The following MEP1A variants were observed in gnomAD, a reference collection of about 807,000 sequenced individuals.
MEP1A encodes N-benzoyl-L-tyrosyl-P-amino-benzoic acid hydrolase subunit alpha.
In MEP1A, 68 loss-of-function variants were observed where a neutral mutation model predicts 84.5. That is an observed-to-expected ratio of 0.80 (90% CI 0.66 to 0.98). The LOEUF (loss-of-function observed/expected upper bound fraction) is 0.98, where lower values mean the gene tolerates loss of function less well. MEP1A is among the 50% of genes least tolerant of loss of function. The pLI is 0.00. For synonymous variants in MEP1A, 337 were observed against 336.8 expected, an observed-to-expected ratio of 1.00 and a Z score of -0.01; for missense variants, 887 against 919.9, an observed-to-expected ratio of 0.96 and a Z score of 0.46.
chr6:46,820,202 AT>A (rs1767734790), intron 7 of MEP1A, among the ~76,000 whole-genome samples: 1 of 152,222 alleles, frequency 6.6e-6, no homozygotes, highest in South Asian at 2.1e-4. Flanking sequence ...TTTATCTGAA[AT>A]AACACCCCAA....
Position 46,838,968 on chromosome 6 carries a change from C to A in MEP1A, c.2085-12C>A, listed in dbSNP as rs757478857. 3.7e-6 allele frequency: 6 copies of A among 1,607,890 alleles called. No homozygotes were observed. Among genetic ancestry groups the A allele is most frequent in the Non-Finnish European group, 5.1e-6 (6 of 1,175,532 alleles). The stretch of plus-strand genomic sequence containing the variant: ...GTAGTTCCCACACTCCCTTCATGTC[C>A]TTTTCCCTCAGGTGCATCTCTGGAC... On this transcript the variant is annotated splice_polypyrimidine_tract_variant and intron_variant, in intron 13 of 13. Transcript: ENST00000230588.
At chr6:46,798,576 T>G (rs745779459) in intron 3 of MEP1A, 30 bp from the exon 4 acceptor site, 1 of 1,591,200 alleles carries the variant, frequency 6.3e-7, no homozygotes, top group Non-Finnish European at 8.6e-7. Context: ...CACTCAAATA[T>G]TCTTTTTTTA....
rs369138721 is a variant in MEP1A at position 46,798,424 on chromosome 6, T to C, written c.146-182T>C. Among the ~76,000 whole-genome samples the C allele has an allele frequency of 9.8e-5, 15 of 152,356 alleles. No homozygotes were observed. In the East Asian group the frequency reaches 2.7e-3, roughly 27 times the overall value. On this transcript the variant is annotated intron_variant, in intron 3 of 13. Transcript: ENST00000230588. ...ATTGAAAACAGAGGCTATGACAATA[T>C]GTGATACTCATCGGCCATTCACATT... is the stretch of plus-strand genomic sequence containing the variant.
Position 46,793,809 on chromosome 6 carries a change from G to A in MEP1A, c.145+93G>A. ...ACTTTCCTTCCTAATACTGTATTGTGATTCTCTGGGGGAGAAATATTTTTT... is the reference window on the plus strand; with the variant it reads ...ACTTTCCTTCCTAATACTGTATTGTAATTCTCTGGGGGAGAAATATTTTTT... On this transcript the variant is annotated intron_variant, in intron 3 of 13. Transcript: ENST00000230588. The A allele has an allele frequency of 8.1e-6, 7 of 866,866 alleles. No individual in the cohort carries two copies. In the South Asian group the frequency reaches 1.0e-4, roughly 13 times the overall value. 53.7% of individuals were successfully genotyped at this position (866,866 alleles called of 1,614,324 possible). A position where few individuals can be genotyped will look rare whatever the true frequency, so the allele number is the denominator to read the frequency against.
chr6:46,803,439 T>A (rs1198802308), intron 5 of MEP1A, among the ~76,000 whole-genome samples: 2 of 151,656 alleles, frequency 1.3e-5, no homozygotes, highest in Non-Finnish European at 3.0e-5. Context: ...ATAGTCCTAT[T>A]TCACTTTTGA....
At chr6:46,811,156 T>C (rs1210966987) in intron 6 of MEP1A, among the ~76,000 whole-genome samples, 8 of 152,170 alleles carry the variant, frequency 5.3e-5, no homozygotes, top group African/African-American at 1.9e-4. Context: ...AGCAGTGTTT[T>C]GTAGTTTTCC....
chr6:46,801,961 G>T (rs956698645), intron 5 of MEP1A, among the ~76,000 whole-genome samples: 1 of 151,782 alleles, frequency 6.6e-6, no homozygotes, highest in Non-Finnish European at 1.5e-5. Context: ...TATTCTACTT[G>T]TTTATCATCA....
chr6:46,843,066 C>T (rs1266348521), downstream of MEP1A, among the ~76,000 whole-genome samples: 2 of 152,204 alleles, frequency 1.3e-5, no homozygotes. Context: ...GTCAAATAAT[C>T]TGAAGGCCAA....
At chr6:46,838,057 A>ATT (rs570182939) in intron 13 of MEP1A, among the ~76,000 whole-genome samples, 205 of 135,038 alleles carry the variant, frequency 1.5e-3, no homozygotes, top group African/African-American at 4.8e-3. Context: ...ATGTCTGGCT[A>ATT]TTTTTTTTTT....
rs150656087 is a variant in MEP1A, at chr6:46,839,079, C to A, written c.2184C>A (p.Gly728=). 5 of 1,613,434 alleles carry A rather than the reference C, an allele frequency of 3.1e-6. No homozygotes were observed. Among genetic ancestry groups the A allele is most frequent in the Non-Finnish European group, 3.4e-6 (4 of 1,179,832 alleles). ...GCATGGTGATCGGAGGCACGGCTGGCGTGATCTTCTTGACCTTCTCCATCA... is the reference window on the plus strand; with the variant it reads ...GCATGGTGATCGGAGGCACGGCTGGAGTGATCTTCTTGACCTTCTCCATCA... ...VLGMVIGGTA[G]VIFLTFSIIA... Residue 728 remains glycine, a synonymous_variant, in exon 14 of 14, where the codon GGC becomes GGA. Transcript: ENST00000230588.
At chr6:46,819,782 G>A in intron 7 of MEP1A, 78 bp downstream of exon 7, 1 of 1,453,222 alleles carries the variant, frequency 6.9e-7, no homozygotes, top group Non-Finnish European at 9.5e-7. Context: ...AAATCTGTGT[G>A]GACAGGAGCT....
At chr6:46,807,554 A>C (rs1316997687) in intron 5 of MEP1A, among the ~76,000 whole-genome samples, 1 of 64,628 alleles carries the variant, frequency 1.5e-5, no homozygotes, top group African/African-American at 8.3e-5. Flanking sequence ...GAAAGAAAGA[A>C]AGAAAGAAAG....
At chr6:46,841,454 A>G (rs554127046), downstream of MEP1A, among the ~76,000 whole-genome samples, 1 of 152,272 alleles carries the variant, frequency 6.6e-6, no homozygotes, top group South Asian at 2.1e-4. Flanking sequence ...TATTCTTTTA[A>G]GATGTTGGGA....
intron 13 of MEP1A, among the ~76,000 whole-genome samples, chr6:46,837,715 GT>G (rs1220245565): frequency 2.6e-5 from 4 of 152,158 alleles, no homozygotes. Context: ...GGCAGAATAA[GT>G]TTTTCTAAGG....
intron 5 of MEP1A, among the ~76,000 whole-genome samples, chr6:46,801,390 A>G (rs943792616): frequency 6.6e-6 from 1 of 152,106 alleles, no homozygotes; most frequent in African/African-American, 2.4e-5. Context: ...AGCACATTTT[A>G]GTATGCTACT....
downstream of MEP1A, among the ~76,000 whole-genome samples, chr6:46,843,798 G>A (rs199696375): frequency 1.8e-4 from 27 of 152,142 alleles, no homozygotes; most frequent in Non-Finnish European, 3.4e-4. Flanking sequence ...TTTATGGCTT[G>A]ATTAAATTTT....
chr6:46,808,603 T>C (rs1165544233), intron 5 of MEP1A, among the ~76,000 whole-genome samples: 1 of 152,056 alleles, frequency 6.6e-6, no homozygotes, highest in East Asian at 1.9e-4. Context: ...TTCTCTGGAG[T>C]ATCTTTCTTT....
At chr6:46,793,760 A>C (rs752315188) in intron 3 of MEP1A, 44 bp downstream of exon 3, 1 of 1,371,518 alleles carries the variant, frequency 7.3e-7, no homozygotes, top group Non-Finnish European at 1.0e-6. Context: ...AATTACTTGA[A>C]ACCCAGTGGT....
rs1439432818 is a variant in MEP1A, at chr6:46,833,318, G to A, written c.1389G>A (p.Glu463=). The change falls in exon 11 of 14, where the codon GAG becomes GAA. Residue 463 remains glutamate, a synonymous_variant. Transcript: ENST00000230588. The part of the protein sequence containing the change: ...KLQSPRFYNS[E]GYGFGVTLYP... Reference sequence around the variant, plus strand: ...AGAGCCCTCGATTCTACAATTCGGAGGGATATGGTTTTGGGGTAACTTTAT... The same window carrying A: ...AGAGCCCTCGATTCTACAATTCGGAAGGATATGGTTTTGGGGTAACTTTAT... The A allele has an allele frequency of 1.2e-6, 2 of 1,614,080 alleles. No individual in the cohort carries two copies. The highest frequency in any genetic ancestry group is 1.7e-6 in the Non-Finnish European group (2 of 1,180,040).
Sources: allele counts gnomAD v4.1 joint callset (sites outside exome capture counted in the v4.1 genomes callset), GRCh38; gene constraint gnomAD v4.1.1; transcripts MANE v1.5; gene names NCBI Gene and HGNC (gene_info 2026-07-23, HGNC 2026-07-21).